TENM3: variants seen among roughly 807,000 people sequenced by gnomAD.
The protein encoded by TENM3 is teneurin transmembrane protein 3.
Under a neutral mutation model 255.1 loss-of-function variants are expected in TENM3, and 63 were observed. The ratio of observed to expected loss-of-function variants is 0.25; its 90% CI spans 0.20 to 0.30. The LOEUF (loss-of-function observed/expected upper bound fraction) is 0.30. Ranked by LOEUF, TENM3 falls within the 10% of genes least tolerant of loss-of-function variation. The pLI, the probability that TENM3 is intolerant of heterozygous loss-of-function variation, is 1.00. For synonymous variants in TENM3, 1,306 were observed against 1,322.3 expected (o/e 0.99, Z 0.27); for missense variants, 2,929 against 3,461.1 (o/e 0.85, Z 3.86).
chr4:182,089,098 C>A, the TENM3 span, among the ~76,000 whole-genome samples: 6 of 152,130 alleles, frequency 3.9e-5, no homozygotes, highest in South Asian at 2.1e-4. Context: ...TGGGCCCTCA[C>A]CAGACCCTGA....
At chr4:182,163,317 G>A (rs1255765385) in intron 1 of TENM3, among the ~76,000 whole-genome samples, 7 of 152,072 alleles carry the variant, frequency 4.6e-5, no homozygotes, top group East Asian at 3.9e-4. Context: ...ATCTTGTCAC[G>A]AAGAAGCCCA....
At chr4:182,175,162 C>T (rs770375248) in intron 1 of TENM3, among the ~76,000 whole-genome samples, 4 of 151,824 alleles carry the variant, frequency 2.6e-5, no homozygotes, top group Non-Finnish European at 5.9e-5. Flanking sequence ...CTTAGTGGCT[C>T]CTTGCAACCT....
the TENM3 span, among the ~76,000 whole-genome samples, chr4:181,730,962 T>A: frequency 6.6e-6 from 1 of 152,192 alleles, no homozygotes; most frequent in African/African-American, 2.4e-5. Context: ...TTTCTGAAGA[T>A]AATGTAAAGA....
intron 1 of TENM3, among the ~76,000 whole-genome samples, chr4:182,170,947 A>G (rs940263077): frequency 2.0e-5 from 3 of 152,168 alleles, no homozygotes; most frequent in Admixed American, 6.6e-5. Context: ...TTTAAAATAC[A>G]TCATCGGTAG....
intron 3 of TENM3, among the ~76,000 whole-genome samples, chr4:182,460,715 A>T (rs1774265652): frequency 6.6e-6 from 1 of 152,190 alleles, no homozygotes; most frequent in South Asian, 2.1e-4. Context: ...GCACAAACCC[A>T]TTTATATATT....
chr4:181,869,359 G>A, the TENM3 span, among the ~76,000 whole-genome samples: 2 of 152,196 alleles, frequency 1.3e-5, no homozygotes, highest in African/African-American at 4.8e-5. Flanking sequence ...TGTAAATCAT[G>A]TATGCAAGAA....
intron 4 of TENM3, among the ~76,000 whole-genome samples, chr4:182,614,105 A>G (rs1433720039): frequency 6.6e-6 from 1 of 152,172 alleles, no homozygotes; most frequent in African/African-American, 2.4e-5. Flanking sequence ...TTTCCCATCA[A>G]AGTACATAGT....
chr4:182,128,651 C>T, the TENM3 span, among the ~76,000 whole-genome samples: 65,477 of 151,984 alleles, frequency 0.43, 14,472 homozygotes, highest in African/African-American at 0.53. Context: ...CATCATCCTG[C>T]GGTATAACAC....
the TENM3 span, among the ~76,000 whole-genome samples, chr4:182,073,280 G>C: frequency 6.6e-6 from 1 of 152,148 alleles, no homozygotes; most frequent in Non-Finnish European, 1.5e-5. Flanking sequence ...AACAGCATGG[G>C]GGAAACCAGC....
At chr4:181,518,158 A>T in the TENM3 span, among the ~76,000 whole-genome samples, 1 of 152,218 alleles carries the variant, frequency 6.6e-6, no homozygotes, top group Non-Finnish European at 1.5e-5. Flanking sequence ...TTAATTTTGA[A>T]CATCAAAGAG....
intron 1 of TENM3, among the ~76,000 whole-genome samples, chr4:182,150,500 C>T (rs868662498): frequency 4.6e-5 from 7 of 151,702 alleles, no homozygotes; most frequent in African/African-American, 9.7e-5. Flanking sequence ...CAAGACATTC[C>T]AAATATTGTA....
the TENM3 span, among the ~76,000 whole-genome samples, chr4:181,470,299 A>G: frequency 1.3e-5 from 2 of 152,138 alleles, no homozygotes; most frequent in East Asian, 3.9e-4. Context: ...TTGGAGTAAA[A>G]TGTACATTTA....
At chr4:181,781,152 C>T in the TENM3 span, among the ~76,000 whole-genome samples, 14 of 152,016 alleles carry the variant, frequency 9.2e-5, no homozygotes, top group East Asian at 1.9e-4. Context: ...TTTCCAATTC[C>T]GTAAAGAAAG....
chr4:182,328,545 C>A (rs1034444056), intron 2 of TENM3, among the ~76,000 whole-genome samples: 2 of 107,988 alleles, frequency 1.9e-5, no homozygotes, highest in Non-Finnish European at 3.7e-5. Flanking sequence ...TGAAAAACAC[C>A]GTGATATCTA....
chr4:181,811,929 C>T, the TENM3 span, among the ~76,000 whole-genome samples: 5 of 152,132 alleles, frequency 3.3e-5, no homozygotes, highest in African/African-American at 9.7e-5. Flanking sequence ...GTACATTCTT[C>T]GAAAACTAGA....
intron 1 of TENM3, among the ~76,000 whole-genome samples, chr4:182,188,007 T>G (rs1753278675): frequency 6.6e-6 from 1 of 152,194 alleles, no homozygotes; most frequent in Middle Eastern, 3.2e-3. Context: ...TTCCAAGACC[T>G]TTCTGTACTG....
chr4:182,416,474 T>C (rs1770368052), intron 3 of TENM3, among the ~76,000 whole-genome samples: 1 of 152,240 alleles, frequency 6.6e-6, no homozygotes, highest in Non-Finnish European at 1.5e-5. Context: ...AAAAGTTCTT[T>C]GAGTCAAGCA....
the TENM3 span, among the ~76,000 whole-genome samples, chr4:181,480,377 C>T: frequency 6.6e-6 from 1 of 152,054 alleles, no homozygotes; most frequent in East Asian, 1.9e-4. Flanking sequence ...ATTTAAGTTA[C>T]ACAAGGTTAA....
chr4:182,784,004 T>C (rs898556633), intron 24 of TENM3, among the ~76,000 whole-genome samples: 9 of 152,218 alleles, frequency 5.9e-5, no homozygotes, highest in Non-Finnish European at 7.3e-5. Context: ...GGTTTGAATG[T>C]CCTCCCGTAG....
Sources: gnomAD v4.1 joint callset for allele counts (sites outside exome capture counted in the v4.1 genomes callset) on GRCh38, gnomAD v4.1.1 for gene constraint, MANE v1.5 for transcripts, NCBI Gene and HGNC (gene_info 2026-07-23, HGNC 2026-07-21) for gene names.